VPS41: variants seen among roughly 807,000 people sequenced by gnomAD.
VPS41 encodes vacuolar protein sorting-associated protein 41 homolog.
VPS41 carries 85 observed loss-of-function variants against 130.9 expected under a neutral mutation model. That is an observed-to-expected ratio of 0.65 (90% CI 0.55 to 0.78). The LOEUF is 0.78. Among genes scored for constraint, VPS41 ranks in the 30% least tolerant of loss-of-function variants. The pLI is 0.00. For synonymous variants in VPS41, 335 were observed against 332.9 expected (o/e 1.01, Z -0.07); for missense variants, 874 against 1,018.7 (o/e 0.86, Z 1.93).
intron 4 of VPS41, among the ~76,000 whole-genome samples, chr7:38,861,134 G>A (rs1433554705): frequency 6.6e-6 from 1 of 152,056 alleles, no homozygotes; most frequent in Non-Finnish European, 1.5e-5. Flanking sequence ...TATAACTGAA[G>A]GTTTATACTG....
intron 2 of VPS41, among the ~76,000 whole-genome samples, chr7:38,870,319 A>G (rs1786322024): frequency 6.6e-6 from 1 of 152,204 alleles, no homozygotes; most frequent in Non-Finnish European, 1.5e-5. Context: ...AGAAAGAAAA[A>G]TGCAAACCAG....
At chr7:38,900,978 A>C (rs1352623618) in intron 1 of VPS41, among the ~76,000 whole-genome samples, 4 of 152,236 alleles carry the variant, frequency 2.6e-5, no homozygotes, top group Admixed American at 1.3e-4. Context: ...AAATCCAAGA[A>C]GGCTGAACTT....
At chr7:38,855,940 A>C (rs1785972323) in intron 4 of VPS41, among the ~76,000 whole-genome samples, 1 of 152,098 alleles carries the variant, frequency 6.6e-6, no homozygotes, top group African/African-American at 2.4e-5. Context: ...AAACAACAGA[A>C]ATTCTCCTAG....
At chr7:38,728,153 G>A (rs1795584743) in intron 27 of VPS41, among the ~76,000 whole-genome samples, 1 of 152,074 alleles carries the variant, frequency 6.6e-6, no homozygotes. Flanking sequence ...TTTTCATTTT[G>A]TTTTTACCCT....
intron 10 of VPS41, among the ~76,000 whole-genome samples, chr7:38,778,665 A>G (rs1784302823): frequency 6.6e-6 from 1 of 152,220 alleles, no homozygotes; most frequent in South Asian, 2.1e-4. Context: ...ACTTGGGTGA[A>G]GAGCAGAGAA....
chr7:38,818,846 T>C (rs1040377689), intron 6 of VPS41, among the ~76,000 whole-genome samples: 1 of 152,228 alleles, frequency 6.6e-6, no homozygotes, highest in Non-Finnish European at 1.5e-5. Flanking sequence ...ATTTTATACT[T>C]GTATTAATTG....
Position 38,800,326 on chromosome 7 carries a change from T to C in VPS41, c.451-3462A>G, listed in dbSNP as rs1329784968. 1.3e-5 allele frequency among the ~76,000 whole-genome samples: 2 copies of C among 152,226 alleles called. 1 individual carries two copies. The highest frequency in any genetic ancestry group is 4.8e-5 in the African/African-American group (2 of 41,464). Reference sequence around the variant, plus strand: ...AATAAAATGTGAATGTGTATTCACATATATTATAAAATCTAAAAGATACAT... The same window carrying C: ...AATAAAATGTGAATGTGTATTCACACATATTATAAAATCTAAAAGATACAT... On this transcript the variant is annotated intron_variant, in intron 7 of 28. Coordinates refer to ENST00000310301, the MANE Select transcript of VPS41 (RefSeq NM_014396.4).
intron 4 of VPS41, among the ~76,000 whole-genome samples, chr7:38,858,454 C>T (rs1254702938): frequency 6.6e-6 from 1 of 152,132 alleles, no homozygotes; most frequent in Admixed American, 6.5e-5. Flanking sequence ...TCTGACTCCC[C>T]CTTCCCGTCA....
At position 38,898,094 on chromosome 7, in the gene VPS41, A is replaced by G. The variant is rs375424343; in HGVS notation, c.57T>C (p.Ser19=). ...TGSLEESTDE[S]EEEESEEEPK... ...GGCTCCTGAGTCACCACCTTACCTC[A>G]GACTCATCTGTAGATTCTTCAAGGG... Residue 19 remains serine (S), a synonymous_variant, in exon 2 of 29, where the codon TCT becomes TCC. Transcript: ENST00000310301. 2 of 1,613,648 alleles carry G rather than the reference A, an allele frequency of 1.2e-6. No individual in the cohort carries two copies. The highest frequency in any genetic ancestry group is 2.7e-5 in the African/African-American group (2 of 74,908).
chr7:38,876,422 G>A lies in VPS41; in HGVS notation c.61-7169C>T, dbSNP rs139967830. On this transcript the variant is annotated intron_variant, in intron 2 of 28. Coordinates refer to ENST00000310301, the MANE Select transcript of VPS41 (RefSeq NM_014396.4). ...TGCATATATGGGGGGAAGATGAGAA[G>A]AATAAACACCAATATAGTAATTTCC... is the stretch of plus-strand genomic sequence containing the variant. Among the ~76,000 whole-genome samples, 113 of 152,146 alleles carry A rather than the reference G, an allele frequency of 7.4e-4. No individual in the cohort carries two copies. In the East Asian group the frequency reaches 0.021, roughly 28 times the overall value.
chr7:38,789,732 T>C (rs1584397063), intron 10 of VPS41, 69 bp downstream of exon 10: 4 of 1,504,774 alleles, frequency 2.7e-6, no homozygotes, highest in Admixed American at 3.4e-5. Context: ...GCAGTCTGGG[T>C]GAGATTAATG....
intron 3 of VPS41, among the ~76,000 whole-genome samples, chr7:38,863,370 A>G (rs1287456735): frequency 6.6e-6 from 1 of 152,138 alleles, no homozygotes; most frequent in Non-Finnish European, 1.5e-5. Flanking sequence ...TTTCAGCATT[A>G]CTCAAATAGT....
chr7:38,877,163 A>G (rs1390295775), intron 2 of VPS41, among the ~76,000 whole-genome samples: 1 of 152,170 alleles, frequency 6.6e-6, no homozygotes, highest in Non-Finnish European at 1.5e-5. Context: ...TACCTAATAA[A>G]GACCAGTGAA....
chr7:38,745,645 T>C (rs377119397), intron 22 of VPS41, 32 bp from the exon 23 acceptor site: 60 of 1,536,142 alleles, frequency 3.9e-5, no homozygotes, highest in East Asian at 1.6e-4. Flanking sequence ...AATGTTACTA[T>C]AGGCGACCAA....
chr7:38,809,876 C>T (rs2116057648), intron 7 of VPS41, among the ~76,000 whole-genome samples: 1 of 152,086 alleles, frequency 6.6e-6, no homozygotes, highest in South Asian at 2.1e-4. Context: ...AAGTAAAGGT[C>T]CTATGAAGCT....
At chr7:38,755,230 C>T (rs547038184) in intron 19 of VPS41, among the ~76,000 whole-genome samples, 3 of 152,294 alleles carry the variant, frequency 2.0e-5, no homozygotes, top group Non-Finnish European at 2.9e-5. Context: ...CCCCGCCCTC[C>T]GATGTCTCGG....
chr7:38,821,186 A>G lies in VPS41; in HGVS notation c.384+17T>C, dbSNP rs535942223. On this transcript the variant is annotated intron_variant, in intron 6 of 28. Coordinates refer to ENST00000310301, the MANE Select transcript of VPS41 (RefSeq NM_014396.4). ...TGAGAAAACCCTTAGAAAAAGTAAA[A>G]CTTGCTGAATACTTACTTTAATGGG... 7.5e-6 allele frequency: 12 copies of G among 1,607,474 alleles called. No homozygotes were observed. The highest frequency in any genetic ancestry group is 1.7e-4 in the Middle Eastern group (1 of 6,042).
At chr7:38,784,867 T>G (rs531145372) in intron 10 of VPS41, among the ~76,000 whole-genome samples, 1 of 152,004 alleles carries the variant, frequency 6.6e-6, no homozygotes, top group East Asian at 1.9e-4. Context: ...TTTTCCCCCA[T>G]TTCTTATTCC....
intron 4 of VPS41, among the ~76,000 whole-genome samples, chr7:38,840,695 T>C (rs955331112): frequency 6.6e-6 from 1 of 152,104 alleles, no homozygotes; most frequent in African/African-American, 2.4e-5. Flanking sequence ...TAATGCAAAA[T>C]AAACATTAAA....
Sources: gnomAD v4.1 joint callset for allele counts (sites outside exome capture counted in the v4.1 genomes callset) on GRCh38, gnomAD v4.1.1 for gene constraint, MANE v1.5 for transcripts, NCBI Gene and HGNC (gene_info 2026-07-23, HGNC 2026-07-21) for gene names.